SHISA8: variants seen among roughly 807,000 people sequenced by gnomAD.
The protein encoded by SHISA8 is protein shisa-8.
SHISA8 carries 21 observed loss-of-function variants against 21.1 expected under a neutral mutation model. The observed-to-expected ratio is 0.99, with a 90% CI of 0.71 to 1.43. The LOEUF (loss-of-function observed/expected upper bound fraction) is 1.43, where lower values mean the gene tolerates loss of function less well. Ranked by LOEUF, SHISA8 falls within the 40% of genes most tolerant of loss-of-function variation. The pLI, the probability that SHISA8 is intolerant of heterozygous loss-of-function variation, is 0.00. For synonymous variants in SHISA8, 300 were observed against 291.4 expected (o/e 1.03, Z -0.30); for missense variants, 535 against 599.1 (o/e 0.89, Z 1.12).
chr22:41,914,085 C>G lies in SHISA8; in HGVS notation c.530+53G>C, dbSNP rs1327062308. 7.5e-7 allele frequency: 1 copy of G among 1,326,236 alleles called. No homozygotes were observed. The highest frequency in any genetic ancestry group is 9.6e-7 in the Non-Finnish European group (1 of 1,040,100). The allele number at this position is 1,326,236 out of a possible 1,614,324, so 82.2% of individuals were successfully genotyped here. On this transcript the variant is annotated intron_variant, in intron 1 of 3. Transcript: ENST00000621082. The surrounding 1 kb of genome is among the most constrained non-coding windows in gnomAD (Gnocchi z 6.8). The stretch of plus-strand genomic sequence containing the variant: ...GAGAGCGGCGGGAAGGATCAGCGGG[C>G]AGGGAGAGCAGTCCGAGGAGCAGGC...
In SHISA8 at chr22:41,914,245, G is replaced by A; in HGVS notation, c.423C>T (p.Ala141=). ...RDPGRERSHT[A]VYAVCGVAAL... ...CTGCGACGCCGCACACAGCGTAGAC[G>A]GCCGTATGGCTGCGCTCGCGGCCGG... Residue 141 remains alanine (A), a synonymous_variant, in exon 1 of 4, where the codon GCC becomes GCT. Coordinates refer to ENST00000621082, the MANE Select transcript of SHISA8 (RefSeq NM_001207020.3). The surrounding 1 kb of genome is among the most constrained non-coding windows in gnomAD (Gnocchi z 6.8). The A allele has an allele frequency of 1.5e-6, 2 of 1,348,390 alleles. No homozygotes were observed. Among genetic ancestry groups the A allele is most frequent in the Middle Eastern group, 2.7e-4 (1 of 3,654 alleles). 83.5% of individuals were successfully genotyped at this position (1,348,390 alleles called of 1,614,324 possible).
Position 41,914,761 on chromosome 22 carries a change from G to C in SHISA8, c.-94C>G, listed in dbSNP as rs973927582. On this transcript the variant is annotated 5_prime_UTR_variant, in exon 1 of 4. Transcript: ENST00000621082. This position sits in a 1 kb window ranked among gnomAD's most constrained non-coding sequence, Gnocchi z 6.8. ...CTCCGCTCCCGCAGGGATCGCGCTG[G>C]CTCCCGGCGCACGCCGCCTCGGCCG... The C allele has an allele frequency of 1.1e-6, 1 of 912,756 alleles. No individual in the cohort carries two copies. The highest frequency in any genetic ancestry group is 1.8e-5 in the African/African-American group (1 of 55,664). The allele number at this position is 912,756 out of a possible 1,614,324, so 56.5% of individuals were successfully genotyped here. A position where few individuals can be genotyped will look rare whatever the true frequency, so the allele number is the denominator to read the frequency against.
Position 41,910,304 on chromosome 22 carries a change from C to A in SHISA8, c.811+104G>T, listed in dbSNP as rs2077540536. ...GGGAGCCGATTGGCCGAGCGGCGGG[C>A]GCGCGGAACTGGGAATTTGGCGCTT... On this transcript the variant is annotated intron_variant, in intron 3 of 3. Coordinates refer to ENST00000621082, the MANE Select transcript of SHISA8 (RefSeq NM_001207020.3). The surrounding 1 kb of genome is among the most constrained non-coding windows in gnomAD (Gnocchi z 6.8). 1.6e-6 allele frequency: 2 copies of A among 1,236,894 alleles called. No individual in the cohort carries two copies. Among genetic ancestry groups the A allele is most frequent in the Non-Finnish European group, 2.0e-6 (2 of 988,690 alleles). The allele number at this position is 1,236,894 out of a possible 1,614,324, so 76.6% of individuals were successfully genotyped here. A position where few individuals can be genotyped will look rare whatever the true frequency, so the allele number is the denominator to read the frequency against.
At chr22:41,911,982 C>T (rs970003668) in intron 1 of SHISA8, among the ~76,000 whole-genome samples, 4 of 152,162 alleles carry the variant, frequency 2.6e-5, no homozygotes, top group Non-Finnish European at 5.9e-5. Flanking sequence ...CCGCCGGTCT[C>T]GGCCTCCCAA....
Position 41,909,623 on chromosome 22 carries a change from G to T in SHISA8, c.*142C>A, listed in dbSNP as rs1344414672. 6 of 1,145,444 alleles carry T rather than the reference G, an allele frequency of 5.2e-6. No homozygotes were observed. In the African/African-American group the frequency reaches 9.7e-5, roughly 19 times the overall value. The allele number at this position is 1,145,444 out of a possible 1,614,324, so 71.0% of individuals were successfully genotyped here. Reference sequence around the variant, plus strand: ...GGGCTTATTTACAAGACGAACCCGCGGCCTGCAGGCTCCAAGACACCACTG... The same window carrying T: ...GGGCTTATTTACAAGACGAACCCGCTGCCTGCAGGCTCCAAGACACCACTG... On this transcript the variant is annotated 3_prime_UTR_variant, in exon 4 of 4. Transcript: ENST00000621082.
Position 41,914,984 on chromosome 22 carries a change from C to A in SHISA8, c.-317G>T, listed in dbSNP as rs117237923. Among the ~76,000 whole-genome samples the A allele has an allele frequency of 0.065, 9,840 of 151,748 alleles. 336 individuals are homozygous for A. The highest frequency in any genetic ancestry group is 0.078 in the Non-Finnish European group (5,322 of 67,818). Reference sequence around the variant, plus strand: ...GCTTCTCCCCGGCCCGGCAGGTGTGCGGGTCTTGGCCCTAGCGGAGGCCGC... The same window carrying A: ...GCTTCTCCCCGGCCCGGCAGGTGTGAGGGTCTTGGCCCTAGCGGAGGCCGC... On this transcript the variant is annotated 5_prime_UTR_variant, in exon 1 of 4. Transcript: ENST00000621082. This position sits in a 1 kb window ranked among gnomAD's most constrained non-coding sequence, Gnocchi z 6.8.
chr22:41,915,016 G>A lies in SHISA8; in HGVS notation c.-349C>T, dbSNP rs1287782825. Reference sequence around the variant, plus strand: ...TGGCCCTAGCGGAGGCCGCGCCGGGGCCGCGGGCCGCCCGACTGCGCTACC... The same window carrying A: ...TGGCCCTAGCGGAGGCCGCGCCGGGACCGCGGGCCGCCCGACTGCGCTACC... On this transcript the variant is annotated 5_prime_UTR_variant, in exon 1 of 4. Transcript: ENST00000621082. This position sits in a 1 kb window ranked among gnomAD's most constrained non-coding sequence, Gnocchi z 5.0. Among the ~76,000 whole-genome samples the A allele has an allele frequency of 6.6e-6, 1 of 151,864 alleles. No homozygotes were observed. The highest frequency in any genetic ancestry group is 1.5e-5 in the Non-Finnish European group (1 of 67,934).
chr22:41,914,133 C>T lies in SHISA8; in HGVS notation c.530+5G>A. ...GGCGGGGGTCCCTGGGCGGCGCGTG[C>T]TCACCTGGTCACTGTGCGCCGCGCG... is the stretch of plus-strand genomic sequence containing the variant. On this transcript the variant is annotated splice_donor_5th_base_variant and intron_variant, in intron 1 of 3. Coordinates refer to ENST00000621082, the MANE Select transcript of SHISA8 (RefSeq NM_001207020.3). The surrounding 1 kb of genome is among the most constrained non-coding windows in gnomAD (Gnocchi z 6.8). The T allele has an allele frequency of 2.1e-6, 3 of 1,410,704 alleles. No individual in the cohort carries two copies. Among genetic ancestry groups the T allele is most frequent in the South Asian group, 1.5e-5 (1 of 65,678 alleles). The allele number at this position is 1,410,704 out of a possible 1,614,324, so 87.4% of individuals were successfully genotyped here.
In SHISA8 at chr22:41,914,869, C is replaced by G. The variant is rs2077577636; in HGVS notation, c.-202G>C. The stretch of plus-strand genomic sequence containing the variant: ...CACCTCCGGTGGGCGCGTCCTCCGC[C>G]CGGGCTCACCTCGGACCCGAGCTGC... On this transcript the variant is annotated 5_prime_UTR_variant, in exon 1 of 4. Transcript: ENST00000621082. The surrounding 1 kb of genome is among the most constrained non-coding windows in gnomAD (Gnocchi z 6.8). Among the ~76,000 whole-genome samples, 1 of 151,260 alleles carries G rather than the reference C, an allele frequency of 6.6e-6. No individual in the cohort carries two copies. The highest frequency in any genetic ancestry group is 1.5e-5 in the Non-Finnish European group (1 of 67,656).
chr22:41,914,424 T>C lies in SHISA8; in HGVS notation c.244A>G (p.Ser82Gly). ...TAGCCGCACGTGCCGCAGCAGAAGC[T>C]GTAGGCTCCGGAGCTGCAGTTGAAG... ...PPFNCSSGAYSFCCGTCGYRF... is the reference protein window; with the variant it reads ...PPFNCSSGAYGFCCGTCGYRF... The change falls in exon 1 of 4, where the codon AGC becomes GGC. Residue 82 changes from serine to glycine, a missense_variant. Physicochemically the swap from Ser to Gly is moderately conservative, Grantham distance 56. Coordinates refer to ENST00000621082, the MANE Select transcript of SHISA8 (RefSeq NM_001207020.3). This position sits in a 1 kb window ranked among gnomAD's most constrained non-coding sequence, Gnocchi z 6.8. 1 of 1,352,684 alleles carries C rather than the reference T, an allele frequency of 7.4e-7. No homozygotes were observed. The highest frequency in any genetic ancestry group is 3.1e-5 in the East Asian group (1 of 32,100). The allele number at this position is 1,352,684 out of a possible 1,614,324, so 83.8% of individuals were successfully genotyped here. A position where few individuals can be genotyped will look rare whatever the true frequency, so the allele number is the denominator to read the frequency against.
chr22:41,910,522 AC>A lies in SHISA8; in HGVS notation c.696del (p.Ser233ArgfsTer18). ...CCGCGCGGGGGCCCCGGGGCGGCCG[AC>A]CCCCGGGGCGCGTTGTTGAGGCGCT... ...DKKRLNNAPR[G>X]SAAPGPPRGP... On this transcript the variant is annotated frameshift_variant, in exon 3 of 4. Coordinates refer to ENST00000621082, the MANE Select transcript of SHISA8 (RefSeq NM_001207020.3). LOFTEE classifies it high-confidence loss of function. This position sits in a 1 kb window ranked among gnomAD's most constrained non-coding sequence, Gnocchi z 6.8. 2.4e-6 allele frequency: 3 copies of A among 1,242,288 alleles called. No homozygotes were observed. The highest frequency in any genetic ancestry group is 7.2e-5 in the South Asian group (2 of 27,800). The allele number at this position is 1,242,288 out of a possible 1,614,324, so 77.0% of individuals were successfully genotyped here.
In SHISA8 at chr22:41,910,866, T is replaced by A. The variant is rs1189910252; in HGVS notation, c.665-312A>T. 5.3e-5 allele frequency among the ~76,000 whole-genome samples: 8 copies of A among 151,708 alleles called. No homozygotes were observed. Among genetic ancestry groups the A allele is most frequent in the Admixed American group, 4.6e-4 (7 of 15,262 alleles). ...TGCTCCCGCCGAGACGGGGGATGTC[T>A]GAGGAACAGAACCCAGACGGGGCGT... On this transcript the variant is annotated intron_variant, in intron 2 of 3. Transcript: ENST00000621082. This position sits in a 1 kb window ranked among gnomAD's most constrained non-coding sequence, Gnocchi z 6.8.
chr22:41,911,871 T>C (rs1317869634), intron 1 of SHISA8, among the ~76,000 whole-genome samples: 2 of 152,168 alleles, frequency 1.3e-5, no homozygotes, highest in African/African-American at 4.8e-5. Flanking sequence ...TCAGCTTCCC[T>C]AGTAGCTGGG....
rs1235386689 is a variant in SHISA8, at chr22:41,914,156, G to A, written c.512C>T (p.Ala171Val). Reference protein sequence around the residue: ...LGLERAHSPRARRTVTRALTE... With the variant: ...LGLERAHSPRVRRTVTRALTE... The stretch of plus-strand genomic sequence containing the variant: ...TGCTCACCTGGTCACTGTGCGCCGC[G>A]CGCGCGGGCTGTGCGCCCTCTCCAG... The change falls in exon 1 of 4, where the codon GCG becomes GTG. Residue 171 changes from alanine (A) to valine (V), a missense_variant. Physicochemically the swap from Ala to Val is moderately conservative, Grantham distance 64. Coordinates refer to ENST00000621082, the MANE Select transcript of SHISA8 (RefSeq NM_001207020.3). The surrounding 1 kb of genome is among the most constrained non-coding windows in gnomAD (Gnocchi z 6.8). 1 of 1,444,652 alleles carries A rather than the reference G, an allele frequency of 6.9e-7. No individual in the cohort carries two copies. The highest frequency in any genetic ancestry group is 2.8e-5 in the Admixed American group (1 of 35,746). 89.5% of individuals were successfully genotyped at this position (1,444,652 alleles called of 1,614,324 possible).
At chr22:41,913,470 A>C (rs993229233) in intron 1 of SHISA8, among the ~76,000 whole-genome samples, 2 of 152,126 alleles carry the variant, frequency 1.3e-5, no homozygotes, top group South Asian at 2.1e-4. Flanking sequence ...GAGGAAGGGG[A>C]CCTGGACCCT....
At chr22:41,911,974 G>A (rs1012080682) in intron 1 of SHISA8, among the ~76,000 whole-genome samples, 22 of 152,084 alleles carry the variant, frequency 1.4e-4, no homozygotes, top group Admixed American at 3.3e-4. Context: ...CTCCAACTCC[G>A]CCGGTCTCGG....
intron 1 of SHISA8, among the ~76,000 whole-genome samples, 153 bp downstream of exon 1, chr22:41,913,985 G>C: frequency 7.1e-6 from 1 of 141,632 alleles, no homozygotes; most frequent in East Asian, 2.0e-4. Flanking sequence ...CCCTGATGAA[G>C]TGTTGGGGGG....
Position 41,914,786 on chromosome 22 carries a change from G to T in SHISA8, c.-119C>A. ...GCTCCCGGCGCACGCCGCCTCGGCC[G>T]TCGGCCTCCTCTGGGGACCCCAGCC... On this transcript the variant is annotated 5_prime_UTR_variant, in exon 1 of 4. Transcript: ENST00000621082. This position sits in a 1 kb window ranked among gnomAD's most constrained non-coding sequence, Gnocchi z 6.8. 1 of 795,470 alleles carries T rather than the reference G, an allele frequency of 1.3e-6. No individual in the cohort carries two copies. Among genetic ancestry groups the T allele is most frequent in the South Asian group, 5.7e-5 (1 of 17,626 alleles). 49.3% of individuals were successfully genotyped at this position (795,470 alleles called of 1,614,324 possible).
At chr22:41,912,972 C>T (rs1569417941) in intron 1 of SHISA8, among the ~76,000 whole-genome samples, 1 of 152,256 alleles carries the variant, frequency 6.6e-6, no homozygotes. Flanking sequence ...CTCTTCCAAG[C>T]TACCCTCACC....
Sources: gnomAD v4.1 joint callset for allele counts (sites outside exome capture counted in the v4.1 genomes callset) on GRCh38, gnomAD v4.1.1 for gene constraint, Gnocchi (gnomAD v3.1) non-coding constraint, MANE v1.5 for transcripts, NCBI Gene and HGNC (gene_info 2026-07-23, HGNC 2026-07-21) for gene names.